CNDP1: variants seen among roughly 807,000 people sequenced by gnomAD.
CNDP1 encodes carnosine dipeptidase 1.
CNDP1 carries 44 observed loss-of-function variants against 58.1 expected under a neutral mutation model. That is an observed-to-expected ratio of 0.76 (90% CI 0.60 to 0.97). The LOEUF (loss-of-function observed/expected upper bound fraction) is 0.97. CNDP1 is among the 50% of genes least tolerant of loss of function. The pLI is 0.00. For synonymous variants in CNDP1, 254 were observed against 252.6 expected, an observed-to-expected ratio of 1.01 and a Z score of -0.05; for missense variants, 616 against 655.1, an observed-to-expected ratio of 0.94 and a Z score of 0.65.
In CNDP1 at chr18:74,550,880, G is replaced by A. The variant is rs577067368; in HGVS notation, c.25-5458G>A. 7.9e-5 allele frequency among the ~76,000 whole-genome samples: 12 copies of A among 152,056 alleles called. No homozygotes were observed. The South Asian group carries it at 1.9e-3, about 24-fold the overall frequency. On this transcript the variant is annotated intron_variant, in intron 1 of 11. Coordinates refer to ENST00000358821, the MANE Select transcript of CNDP1 (RefSeq NM_032649.6). ...CTCCCAAAGTGCTGGGATTACAGAC[G>A]TGAGCCACCATGCCCAGCCCATTAT...
Position 74,573,116 on chromosome 18 carries a change from TCATCCATCCAACTATC to T in CNDP1, c.841+1857_841+1872del, listed in dbSNP as rs578246314. ...ATTATCTATCCATCTATCTTTCTAT[TCATCCATCCAACTATC>T]CATCCATCCATCTATTATCTATCCA... On this transcript the variant is annotated intron_variant, in intron 7 of 11. Transcript: ENST00000358821. 8.0e-3 allele frequency among the ~76,000 whole-genome samples: 1,217 copies of T among 152,264 alleles called. 10 individuals carry two copies. The highest frequency in any genetic ancestry group is 0.027 in the African/African-American group (1,105 of 41,562).
At chr18:74,562,448 A>C (rs1196389135) in intron 5 of CNDP1, among the ~76,000 whole-genome samples, 2 of 152,250 alleles carry the variant, frequency 1.3e-5, no homozygotes, top group Non-Finnish European at 2.9e-5. Flanking sequence ...CCAAGCTGCT[A>C]TCTGATGGGA....
intron 10 of CNDP1, 84 bp downstream of exon 10, chr18:74,580,355 T>G: frequency 2.2e-6 from 3 of 1,375,732 alleles, no homozygotes; most frequent in Non-Finnish European, 3.1e-6. Flanking sequence ...AAGCAGACAC[T>G]TTTAAAACTC....
intron 7 of CNDP1, among the ~76,000 whole-genome samples, chr18:74,571,800 G>A (rs145954962): frequency 1.9e-3 from 286 of 152,274 alleles, no homozygotes; most frequent in African/African-American, 6.4e-3. Context: ...TGGCCCTTCC[G>A]CAGACCAGCC....
chr18:74,584,260 G>C, intron 11 of CNDP1: 1 of 516,780 alleles, frequency 1.9e-6, no homozygotes, highest in Non-Finnish European at 3.5e-6. Flanking sequence ...AAGAAATCAA[G>C]GAAAATTCAC....
In CNDP1 at chr18:74,540,847, C is replaced by A. The variant is rs147545654; in HGVS notation, c.24+6156C>A. The stretch of plus-strand genomic sequence containing the variant: ...AACGTGAACTTACTGCAGATGGTCA[C>A]CACTTCTGTTAATCAACAAATCACA... On this transcript the variant is annotated intron_variant, in intron 1 of 11. Transcript: ENST00000358821. Among the ~76,000 whole-genome samples the A allele has an allele frequency of 4.2e-3, 634 of 152,332 alleles. 4 individuals carry two copies. The highest frequency in any genetic ancestry group is 0.015 in the African/African-American group (611 of 41,568).
In CNDP1 at chr18:74,562,112, A is replaced by T; in HGVS notation, c.532A>T (p.Ser178Cys). ...GPVLAWINAVSAFRALEQDLP... is the reference protein window; with the variant it reads ...GPVLAWINAVCAFRALEQDLP... Reference sequence around the variant, plus strand: ...TGTCTTGGCTTGGATCAATGCTGTGAGCGCCTTCAGAGCCCTGGAGCAAGT... The same window carrying T: ...TGTCTTGGCTTGGATCAATGCTGTGTGCGCCTTCAGAGCCCTGGAGCAAGT... The change falls in exon 5 of 12, where the codon AGC becomes TGC. Residue 178 changes from serine (S) to cysteine (C), a missense_variant. Physicochemically the swap from Ser to Cys is moderately radical, Grantham distance 112. Coordinates refer to ENST00000358821, the MANE Select transcript of CNDP1 (RefSeq NM_032649.6). 1 of 1,614,096 alleles carries T rather than the reference A, an allele frequency of 6.2e-7. No homozygotes were observed. The highest frequency in any genetic ancestry group is 2.2e-5 in the East Asian group (1 of 44,872).
In CNDP1 at chr18:74,556,465, A is replaced by T; in HGVS notation, c.152A>T (p.Gln51Leu). Reference protein sequence around the residue: ...YIDLHQDEFVQTLKEWVAIES... With the variant: ...YIDLHQDEFVLTLKEWVAIES... The stretch of plus-strand genomic sequence containing the variant: ...GACCTCCATCAGGATGAATTTGTGC[A>T]GGTAGGAGAAAGAAACTACACAACT... The change falls in exon 2 of 12, where the codon CAG (glutamine) becomes CTG (leucine). Residue 51 changes from glutamine (Q) to leucine (L), a missense_variant and splice_region_variant. By Grantham distance (113) the Gln-to-Leu change is moderately radical (BLOSUM62 -2). Coordinates refer to ENST00000358821, the MANE Select transcript of CNDP1 (RefSeq NM_032649.6). The T allele has an allele frequency of 6.2e-7, 1 of 1,614,192 alleles. No individual in the cohort carries two copies. The highest frequency in any genetic ancestry group is 8.5e-7 in the Non-Finnish European group (1 of 1,180,002).
At chr18:74,535,721 A>G (rs1328506007) in intron 1 of CNDP1, among the ~76,000 whole-genome samples, 1 of 152,174 alleles carries the variant, frequency 6.6e-6, no homozygotes, top group Non-Finnish European at 1.5e-5. Context: ...ATTAAAGTTA[A>G]AAGCAACATG....
At chr18:74,575,067 A>AGAAGGAAAGAAAG (rs1555711052) in intron 7 of CNDP1, among the ~76,000 whole-genome samples, 9 of 122,416 alleles carry the variant, frequency 7.4e-5, no homozygotes, top group Non-Finnish European at 1.1e-4. Context: ...GAAAGAAGAA[A>AGAAGGAAAGAAAG]GAAGGAAGGA....
At chr18:74,542,168 G>A (rs1245779412) in intron 1 of CNDP1, among the ~76,000 whole-genome samples, 1 of 152,218 alleles carries the variant, frequency 6.6e-6, no homozygotes, top group Non-Finnish European at 1.5e-5. Flanking sequence ...GGCCAGAGGT[G>A]TGCGCAGGAG....
At chr18:74,561,296 A>G (rs779678744) in intron 4 of CNDP1, 33 of 281,720 alleles carry the variant, frequency 1.2e-4, no homozygotes, top group East Asian at 1.3e-4. Flanking sequence ...GGCGCCTGTA[A>G]TCCCAGCTAC....
At chr18:74,566,333 C>T (rs1981327659) in intron 5 of CNDP1, among the ~76,000 whole-genome samples, 1 of 152,212 alleles carries the variant, frequency 6.6e-6, no homozygotes, top group Admixed American at 6.5e-5. Flanking sequence ...CTGCAGCTGG[C>T]TTGAATTTCT....
At chr18:74,546,280 G>A (rs569435907) in intron 1 of CNDP1, among the ~76,000 whole-genome samples, 20 of 152,290 alleles carry the variant, frequency 1.3e-4, no homozygotes, top group African/African-American at 4.3e-4. Flanking sequence ...GAGTAAAAGT[G>A]TCTGAAGGCG....
intron 5 of CNDP1, among the ~76,000 whole-genome samples, chr18:74,566,969 C>T (rs184657604): frequency 1.3e-4 from 20 of 152,248 alleles, no homozygotes; most frequent in Admixed American, 3.9e-4. Flanking sequence ...CGACAGGAGG[C>T]AAAAGGCACT....
At chr18:74,573,325 G>T (rs1014391526) in intron 7 of CNDP1, among the ~76,000 whole-genome samples, 1 of 148,110 alleles carries the variant, frequency 6.8e-6, no homozygotes, top group East Asian at 2.0e-4. Flanking sequence ...ATCTATCCAT[G>T]TATCATTTTT....
intron 7 of CNDP1, among the ~76,000 whole-genome samples, chr18:74,573,137 CATCCATCTATTATCTATCCATCT>C (rs1219592370): frequency 2.0e-5 from 3 of 151,750 alleles, no homozygotes; most frequent in African/African-American, 7.3e-5. Flanking sequence ...ACTATCCATC[CATCCATCTATTATCTATCCATCT>C]ATCATCTTTC....
chr18:74,535,495 A>G (rs773717370), intron 1 of CNDP1, among the ~76,000 whole-genome samples: 1 of 150,824 alleles, frequency 6.6e-6, no homozygotes, highest in African/African-American at 2.4e-5. Flanking sequence ...CTGCAAGACC[A>G]TGAGATTCCC....
At position 74,545,513 on chromosome 18, in the gene CNDP1, T is replaced by A. The variant is rs144405789; in HGVS notation, c.24+10822T>A. Among the ~76,000 whole-genome samples the A allele has an allele frequency of 2.0e-5, 3 of 152,316 alleles. No homozygotes were observed. Among genetic ancestry groups the A allele is most frequent in the Non-Finnish European group, 4.4e-5 (3 of 68,026 alleles). ...TTATTTGGTGCTGTCTGCATTTTGGTGTCTCCACCTTGGCCCACGGTCCCA... is the reference window on the plus strand; with the variant it reads ...TTATTTGGTGCTGTCTGCATTTTGGAGTCTCCACCTTGGCCCACGGTCCCA... On this transcript the variant is annotated intron_variant, in intron 1 of 11. Coordinates refer to ENST00000358821, the MANE Select transcript of CNDP1 (RefSeq NM_032649.6). This position sits in a 1 kb window ranked among gnomAD's most constrained non-coding sequence, Gnocchi z 4.1.
Sources: allele counts gnomAD v4.1 joint callset (sites outside exome capture counted in the v4.1 genomes callset), GRCh38; gene constraint gnomAD v4.1.1; non-coding constraint Gnocchi (gnomAD v3.1); transcripts MANE v1.5; gene names NCBI Gene and HGNC (gene_info 2026-07-23, HGNC 2026-07-21).